GALC: variants seen among roughly 807,000 people sequenced by gnomAD.
The protein encoded by GALC is galactocerebrosidase.
A neutral mutation model predicts 91.8 loss-of-function variants in GALC; 77 were observed. The observed-to-expected ratio is 0.84, with a 90% CI of 0.70 to 1.01. GALC has a LOEUF of 1.01. Among genes scored for constraint, GALC ranks in the 50% least tolerant of loss-of-function variants. The probability of loss-of-function intolerance (pLI) is 0.00; values close to 1 mark genes in which losing one functional copy is unlikely to be tolerated. For missense variants in GALC, 882 were observed against 855.9 expected (o/e 1.03, Z -0.38); for synonymous variants, 357 against 306.7 (o/e 1.16, Z -1.71).
intron 1 of GALC, 55 bp downstream of exon 1, chr14:87,992,914 GC>G: frequency 1.4e-6 from 2 of 1,472,240 alleles, no homozygotes; most frequent in Admixed American, 2.3e-5. Flanking sequence ...TGTGGGGCTG[GC>G]CCCACGGGGC....
intron 5 of GALC, 129 bp downstream of exon 5, chr14:87,984,265 C>A: frequency 1.2e-6 from 1 of 862,476 alleles, no homozygotes. Context: ...GTGTTATTAT[C>A]AGACACCATT....
At chr14:87,984,883 T>C (rs1254238155) in intron 4 of GALC, among the ~76,000 whole-genome samples, 1 of 152,234 alleles carries the variant, frequency 6.6e-6, no homozygotes, top group African/African-American at 2.4e-5. Context: ...ATGTTCAATA[T>C]TCAACTTCTG....
intron 7 of GALC, among the ~76,000 whole-genome samples, chr14:87,972,262 T>C (rs1486818709): frequency 1.3e-5 from 2 of 152,180 alleles, no homozygotes; most frequent in Non-Finnish European, 2.9e-5. Flanking sequence ...CAAATTTATA[T>C]AATATTGGCT....
rs1469232425 is a variant in GALC at position 87,933,408 on chromosome 14, T to C, written c.*1324A>G. The C allele has an allele frequency of 6.6e-6, 1 of 152,598 alleles. No individual in the cohort carries two copies. Among genetic ancestry groups the C allele is most frequent in the African/African-American group, 2.4e-5 (1 of 41,452 alleles). The allele number at this position is 152,598 out of a possible 1,614,324, so 9.5% of individuals were successfully genotyped here. A position where few individuals can be genotyped will look rare whatever the true frequency, so the allele number is the denominator to read the frequency against. ...TTATCAAAACTCACTGAATTGTATA[T>C]TTAAAGTAGGAACATTTTATTGTAA... On this transcript the variant is annotated 3_prime_UTR_variant, in exon 17 of 17. Coordinates refer to ENST00000261304, the MANE Select transcript of GALC (RefSeq NM_000153.4).
rs779990751 is a variant in GALC, at chr14:87,950,658, C to T, written c.1251+1G>A. On this transcript the variant is annotated splice_donor_variant, in intron 11 of 16. Coordinates refer to ENST00000261304, the MANE Select transcript of GALC (RefSeq NM_000153.4). LOFTEE classifies it high-confidence loss of function. ...AAATAAAGTTAAACATATTTACTTACAAAAGATCCCTTAAGAACAAAGGTG... is the reference window on the plus strand; with the variant it reads ...AAATAAAGTTAAACATATTTACTTATAAAAGATCCCTTAAGAACAAAGGTG... 1 of 1,559,764 alleles carries T rather than the reference C, an allele frequency of 6.4e-7. No homozygotes were observed. The highest frequency in any genetic ancestry group is 8.8e-7 in the Non-Finnish European group (1 of 1,132,486).
At chr14:87,953,657 C>G (rs1411051028) in intron 10 of GALC, 3 of 1,609,342 alleles carry the variant, frequency 1.9e-6, no homozygotes, top group Non-Finnish European at 2.5e-6. Context: ...GTGGGCCAGT[C>G]TGAAGCTCTA....
intron 14 of GALC, among the ~76,000 whole-genome samples, chr14:87,944,114 A>G (rs2139947573): frequency 6.6e-6 from 1 of 152,060 alleles, no homozygotes; most frequent in South Asian, 2.1e-4. Flanking sequence ...ACCCACTGCA[A>G]TAGATCCTAG....
chr14:87,958,457 G>A (rs1361317110), intron 10 of GALC, among the ~76,000 whole-genome samples: 1 of 152,024 alleles, frequency 6.6e-6, no homozygotes, highest in Admixed American at 6.6e-5. Flanking sequence ...GTATCAAAAT[G>A]CCAAGGACAT....
chr14:87,981,560 G>A (rs1160931846), intron 6 of GALC: 2 of 155,394 alleles, frequency 1.3e-5, no homozygotes, highest in Admixed American at 6.5e-5. Context: ...AAAAGGAAGT[G>A]AAAAGTAAAC....
intron 5 of GALC, among the ~76,000 whole-genome samples, chr14:87,982,508 G>A (rs1444355471): frequency 6.6e-6 from 1 of 152,082 alleles, no homozygotes; most frequent in Non-Finnish European, 1.5e-5. Flanking sequence ...TTTCAACAAT[G>A]GAATATTCAT....
intron 10 of GALC, among the ~76,000 whole-genome samples, chr14:87,952,233 A>G (rs1291426196): frequency 2.0e-5 from 3 of 152,006 alleles, no homozygotes; most frequent in East Asian, 3.9e-4. Flanking sequence ...ACTTCTAGCC[A>G]GACTAATAAA....
chr14:87,953,389 T>C (rs1390425841), intron 10 of GALC: 1 of 1,435,694 alleles, frequency 7.0e-7, no homozygotes, highest in Middle Eastern at 2.5e-4. Flanking sequence ...TACAGAAGCA[T>C]ATGAAAGTGG....
At chr14:87,941,744 T>A (rs1406853668) in intron 14 of GALC, among the ~76,000 whole-genome samples, 186 bp from the exon 15 acceptor site, 1 of 152,050 alleles carries the variant, frequency 6.6e-6, no homozygotes, top group Non-Finnish European at 1.5e-5. Flanking sequence ...AAATGTTACA[T>A]GACTTAAGTC....
chr14:87,947,725 C>A lies in GALC; in HGVS notation c.1489+3G>T. On this transcript the variant is annotated splice_donor_region_variant and intron_variant, in intron 13 of 16. Coordinates refer to ENST00000261304, the MANE Select transcript of GALC (RefSeq NM_000153.4). ...AAGTTAAGTTTTAGTGAAAAATACT[C>A]ACCAACATTGAAATCATCCTTATAG... is the stretch of plus-strand genomic sequence containing the variant. The A allele has an allele frequency of 1.2e-6, 2 of 1,612,380 alleles. No homozygotes were observed. The highest frequency in any genetic ancestry group is 2.2e-5 in the South Asian group (2 of 91,044).
chr14:87,975,459 GA>G (rs1449691154), intron 7 of GALC, among the ~76,000 whole-genome samples: 1 of 152,000 alleles, frequency 6.6e-6, no homozygotes, highest in African/African-American at 2.4e-5. Flanking sequence ...ATGGTAAGTA[GA>G]AAAATAATCC....
chr14:87,941,285 C>T, intron 15 of GALC, 110 bp downstream of exon 15: 1 of 752,482 alleles, frequency 1.3e-6, no homozygotes, highest in African/African-American at 1.7e-5. Flanking sequence ...ATTAGATGTC[C>T]AAACACCTTG....
At chr14:87,953,152 G>T in intron 10 of GALC, 1 of 1,468,514 alleles carries the variant, frequency 6.8e-7, no homozygotes, top group Non-Finnish European at 9.5e-7. Flanking sequence ...GATAAGCCAA[G>T]GTCTGAAGTC....
intron 16 of GALC, among the ~76,000 whole-genome samples, chr14:87,936,681 A>AT (rs1884581926): frequency 6.6e-6 from 1 of 151,722 alleles, no homozygotes; most frequent in African/African-American, 2.4e-5. Flanking sequence ...TGTGTTGAAT[A>AT]TAAGAATGAA....
At chr14:87,981,446 A>G (rs868865976) in intron 6 of GALC, 2 of 193,610 alleles carry the variant, frequency 1.0e-5, no homozygotes, top group African/African-American at 2.4e-5. Context: ...TTCTCCAAAA[A>G]CCTATGGAAA....
Sources: gnomAD v4.1 joint callset for allele counts (sites outside exome capture counted in the v4.1 genomes callset) on GRCh38, gnomAD v4.1.1 for gene constraint, MANE v1.5 for transcripts, NCBI Gene and HGNC (gene_info 2026-07-23, HGNC 2026-07-21) for gene names.